Variants in FAM135B observed in about 807,000 individuals in gnomAD.
The protein encoded by FAM135B is protein FAM135B.
Under a neutral mutation model 127.7 loss-of-function variants are expected in FAM135B, and 43 were observed. That is an observed-to-expected ratio of 0.34 (90% CI 0.26 to 0.43). The LOEUF (loss-of-function observed/expected upper bound fraction) is 0.43, where lower values mean the gene tolerates loss of function less well. FAM135B is among the 20% of genes least tolerant of loss of function. The pLI is 1.00. For synonymous variants in FAM135B, 670 were observed against 665.1 expected, an observed-to-expected ratio of 1.01 and a Z score of -0.11; for missense variants, 1,558 against 1,725.6, an observed-to-expected ratio of 0.90 and a Z score of 1.72.
chr8:138,282,693 G>C (rs537664535), intron 3 of FAM135B, among the ~76,000 whole-genome samples: 1 of 152,154 alleles, frequency 6.6e-6, no homozygotes, highest in Non-Finnish European at 1.5e-5. Context: ...GCTAGCAAAG[G>C]TGTGGGGTAA....
rs139764911 is a variant in FAM135B at position 138,247,365 on chromosome 8, C to T, written c.542+3476G>A. On this transcript the variant is annotated intron_variant, in intron 6 of 19. Transcript: ENST00000395297. ...GGGATCTGGTGGGAGGTAACTGAAT[C>T]ATGAGGGCAGTTACCTCCATGCTGT... Among the ~76,000 whole-genome samples the T allele has an allele frequency of 7.9e-3, 1,206 of 152,292 alleles. 13 individuals are homozygous for T. Among genetic ancestry groups the T allele is most frequent in the African/African-American group, 0.024 (1,000 of 41,566 alleles).
intron 1 of FAM135B, among the ~76,000 whole-genome samples, chr8:138,420,780 C>T (rs28836504): frequency 0.023 from 3,507 of 152,106 alleles, 125 homozygotes; most frequent in African/African-American, 0.079. Context: ...AGGCTTTCAA[C>T]GAAATTCAAC....
intron 2 of FAM135B, among the ~76,000 whole-genome samples, chr8:138,366,292 A>T (rs971488831): frequency 9.2e-5 from 14 of 152,202 alleles, no homozygotes; most frequent in Non-Finnish European, 1.8e-4. Context: ...ACCTGACATT[A>T]TCAAAATCGC....
At chr8:138,222,397 A>G (rs1187484208) in intron 7 of FAM135B, among the ~76,000 whole-genome samples, 2 of 152,156 alleles carry the variant, frequency 1.3e-5, no homozygotes, top group Non-Finnish European at 2.9e-5. Context: ...CTCCCCAAAG[A>G]AAAACTTCCC....
intron 6 of FAM135B, among the ~76,000 whole-genome samples, chr8:138,245,999 T>G (rs1012732999): frequency 2.6e-5 from 4 of 152,202 alleles, no homozygotes; most frequent in African/African-American, 9.6e-5. Context: ...AAGATGATTC[T>G]TGCTATGCTT....
intron 1 of FAM135B, among the ~76,000 whole-genome samples, chr8:138,428,663 A>G (rs1368116535): frequency 1.3e-5 from 2 of 152,072 alleles, no homozygotes; most frequent in Non-Finnish European, 2.9e-5. Flanking sequence ...CTTTTATGCC[A>G]GGCTCCCTCC....
At chr8:138,253,320 G>T (rs1294465724) in intron 5 of FAM135B, among the ~76,000 whole-genome samples, 1 of 152,176 alleles carries the variant, frequency 6.6e-6, no homozygotes, top group South Asian at 2.1e-4. Flanking sequence ...ATGGGTCTTT[G>T]CAGAGTAACA....
In FAM135B at chr8:138,152,312, A is replaced by G. The variant is rs763726471; in HGVS notation, c.2163T>C (p.His721=). Residue 721 remains histidine, a synonymous_variant, in exon 13 of 20, where the codon CAT becomes CAC. Transcript: ENST00000395297. The stretch of plus-strand genomic sequence containing the variant: ...CCTCTAGGGAGTTCCGGTGGAGGGC[A>G]TGTCTTCGAACAAACGGGTGCAAGA... The part of the protein sequence containing the change: ...REVLHPFVRR[H]ALHRNSLEGG... 6 of 1,614,158 alleles carry G rather than the reference A, an allele frequency of 3.7e-6. No individual in the cohort carries two copies. The highest frequency in any genetic ancestry group is 5.1e-6 in the Non-Finnish European group (6 of 1,180,044).
At position 138,141,553 on chromosome 8, in the gene FAM135B, T is replaced by C. The variant is rs182546324; in HGVS notation, c.3639-204A>G. On this transcript the variant is annotated intron_variant, in intron 16 of 19. Transcript: ENST00000395297. This position sits in a 1 kb window ranked among gnomAD's most constrained non-coding sequence, Gnocchi z 4.7. Reference sequence around the variant, plus strand: ...AAGCCTGAGATGGGGTCTTTGTGAATGGGAGCTTTGTGCCCAGTCAGGGGA... The same window carrying C: ...AAGCCTGAGATGGGGTCTTTGTGAACGGGAGCTTTGTGCCCAGTCAGGGGA... 1.4e-3 allele frequency among the ~76,000 whole-genome samples: 206 copies of C among 152,320 alleles called. No individual in the cohort carries two copies. The highest frequency in any genetic ancestry group is 6.8e-3 in the Middle Eastern group (2 of 294).
chr8:138,136,920 G>A (rs1816711867), intron 19 of FAM135B, among the ~76,000 whole-genome samples: 1 of 152,128 alleles, frequency 6.6e-6, no homozygotes, highest in South Asian at 2.1e-4. Flanking sequence ...CACACAATAG[G>A]ACTGAACAGA....
intron 2 of FAM135B, among the ~76,000 whole-genome samples, chr8:138,333,826 C>A (rs1828356058): frequency 6.6e-6 from 1 of 152,168 alleles, no homozygotes; most frequent in Non-Finnish European, 1.5e-5. Flanking sequence ...TAACTGCAGA[C>A]TGTTCAACCT....
intron 1 of FAM135B, among the ~76,000 whole-genome samples, chr8:138,390,856 G>A (rs1018911753): frequency 1.3e-4 from 20 of 152,040 alleles, no homozygotes; most frequent in African/African-American, 4.8e-4. Flanking sequence ...TGAGCTCTGG[G>A]GATAGCAAAT....
intron 7 of FAM135B, among the ~76,000 whole-genome samples, chr8:138,207,615 T>A: frequency 6.6e-6 from 1 of 151,962 alleles, no homozygotes; most frequent in East Asian, 1.9e-4. Context: ...TCCCACAGAG[T>A]GGAGCTAGAG....
At chr8:138,175,279 C>A (rs917977829) in intron 11 of FAM135B, among the ~76,000 whole-genome samples, 5 of 152,166 alleles carry the variant, frequency 3.3e-5, no homozygotes, top group Non-Finnish European at 7.4e-5. Context: ...CCTCCCTCCC[C>A]TCTCCTACTT....
chr8:138,419,836 A>C, intron 1 of FAM135B, among the ~76,000 whole-genome samples: 1 of 152,156 alleles, frequency 6.6e-6, no homozygotes, highest in Admixed American at 6.6e-5. Flanking sequence ...TCTCTGAGAT[A>C]CAGCTAAAGC....
intron 3 of FAM135B, among the ~76,000 whole-genome samples, chr8:138,305,383 AG>A (rs1826171568): frequency 6.6e-6 from 1 of 152,178 alleles, no homozygotes; most frequent in Non-Finnish European, 1.5e-5. Context: ...CAGCCCCCTA[AG>A]GGAAAAAAAT....
At chr8:138,334,744 T>C (rs1828437959) in intron 2 of FAM135B, among the ~76,000 whole-genome samples, 2 of 152,208 alleles carry the variant, frequency 1.3e-5, no homozygotes, top group Non-Finnish European at 2.9e-5. Context: ...TATGGCTGCA[T>C]AGTATTCTAC....
chr8:138,180,732 T>C (rs1486184838), intron 9 of FAM135B, among the ~76,000 whole-genome samples: 1 of 152,192 alleles, frequency 6.6e-6, no homozygotes, highest in African/African-American at 2.4e-5. Context: ...ATACAGAACA[T>C]CATTCAGCCA....
At chr8:138,487,345 G>A (rs1218394807) in intron 1 of FAM135B, among the ~76,000 whole-genome samples, 3 of 152,012 alleles carry the variant, frequency 2.0e-5, no homozygotes, top group Non-Finnish European at 4.4e-5. Context: ...CAGCCCCCAT[G>A]GGACTACTTT....
Sources: allele counts gnomAD v4.1 joint callset (sites outside exome capture counted in the v4.1 genomes callset), GRCh38; gene constraint gnomAD v4.1.1; non-coding constraint Gnocchi (gnomAD v3.1); transcripts MANE v1.5; gene names NCBI Gene and HGNC (gene_info 2026-07-23, HGNC 2026-07-21).